NIPBL: variants seen among roughly 807,000 people sequenced by gnomAD.
NIPBL encodes NIPBL cohesin loading factor, also known as nipped-B-like protein.
NIPBL carries 19 observed loss-of-function variants against 321.8 expected under a neutral mutation model. The ratio of observed to expected loss-of-function variants is 0.06; its 90% CI spans 0.04 to 0.09. NIPBL has a LOEUF of 0.09. NIPBL is among the 10% of genes least tolerant of loss of function. The probability of loss-of-function intolerance (pLI) is 1.00; values close to 1 mark genes in which losing one functional copy is unlikely to be tolerated. For missense variants in NIPBL, 2,210 were observed against 3,327.0 expected, an observed-to-expected ratio of 0.66 and a Z score of 8.26; for synonymous variants, 1,106 against 1,114.1, an observed-to-expected ratio of 0.99 and a Z score of 0.14.
intron 1 of NIPBL, chr5:36,886,346 A>C (rs1745904536): frequency 2.8e-6 from 2 of 702,554 alleles, no homozygotes; most frequent in Admixed American, 3.9e-5. Flanking sequence ...GCCACCTGCC[A>C]CCGCCTGCTT....
chr5:37,006,452 T>C lies in NIPBL; in HGVS notation c.3951T>C (p.Ile1317=). ...SADACLTTIN[I]MTSPNMPKAV... is the part of the protein sequence containing the mutation. ...ATGCTTGTCTTACAACTATCAACAT[T>C]ATGACATCCCCTAACATGCCAAAAG... The change falls in exon 17 of 47, where the codon ATT becomes ATC. Residue 1317 remains isoleucine (I), a synonymous_variant. Transcript: ENST00000282516. 2 of 1,612,484 alleles carry C rather than the reference T, an allele frequency of 1.2e-6. No individual in the cohort carries two copies. Among genetic ancestry groups the C allele is most frequent in the Non-Finnish European group, 1.7e-6 (2 of 1,178,668 alleles).
At chr5:37,041,467 G>T (rs945910224) in intron 34 of NIPBL, among the ~76,000 whole-genome samples, 1 of 151,600 alleles carries the variant, frequency 6.6e-6, no homozygotes, top group African/African-American at 2.4e-5. Context: ...GTTTCACTAT[G>T]TTGGCCAGAC....
chr5:36,957,163 AATTTT>A (rs1295230702), intron 3 of NIPBL, among the ~76,000 whole-genome samples: 4 of 152,134 alleles, frequency 2.6e-5, no homozygotes, highest in Admixed American at 6.5e-5. Context: ...GCCTATACTT[AATTTT>A]ATCATCATCT....
In NIPBL at chr5:37,031,571, G is replaced by A. The variant is rs548253527; in HGVS notation, c.5862+4159G>A. 1.2e-4 allele frequency among the ~76,000 whole-genome samples: 18 copies of A among 152,224 alleles called. 1 individual carries two copies. The highest frequency in any genetic ancestry group is 4.3e-4 in the African/African-American group (18 of 41,540). On this transcript the variant is annotated intron_variant, in intron 32 of 46. Transcript: ENST00000282516. ...TTCATTTTAATTACTTAAGATCTAA[G>A]ACTGACCATTTTCTAGTTTGTAAGG...
rs762108016 is a variant in NIPBL at position 37,022,228 on chromosome 5, C to T, written c.5428-16C>T. ...ATTTAGGTATAAATTGTTTTTTTCT[C>T]TTCATTTTTCTTTAGCTTGATATGC... is the stretch of plus-strand genomic sequence containing the variant. On this transcript the variant is annotated splice_polypyrimidine_tract_variant and intron_variant, in intron 28 of 46. Coordinates refer to ENST00000282516, the MANE Select transcript of NIPBL (RefSeq NM_133433.4). The T allele has an allele frequency of 1.9e-6, 3 of 1,613,574 alleles. No homozygotes were observed. The highest frequency in any genetic ancestry group is 2.2e-5 in the South Asian group (2 of 91,008).
At chr5:37,030,404 A>C (rs1750857951) in intron 32 of NIPBL, among the ~76,000 whole-genome samples, 1 of 152,206 alleles carries the variant, frequency 6.6e-6, no homozygotes, top group South Asian at 2.1e-4. Context: ...ACAGAGACAT[A>C]ACTACTCTGA....
At chr5:36,899,684 C>G (rs1245951555) in intron 1 of NIPBL, among the ~76,000 whole-genome samples, 1 of 152,064 alleles carries the variant, frequency 6.6e-6, no homozygotes, top group East Asian at 1.9e-4. Flanking sequence ...TATTTTAGCC[C>G]CAAAGTGAAT....
chr5:37,048,257 C>T (rs1310683421), intron 38 of NIPBL, among the ~76,000 whole-genome samples: 1 of 152,166 alleles, frequency 6.6e-6, no homozygotes, highest in African/African-American at 2.4e-5. Flanking sequence ...GCCCTGCTCC[C>T]TCCTCAAGGT....
intron 1 of NIPBL, among the ~76,000 whole-genome samples, chr5:36,945,254 A>G (rs372356646): frequency 2.9e-4 from 44 of 152,144 alleles, no homozygotes; most frequent in Non-Finnish European, 2.8e-4. Context: ...GTTTGGTACA[A>G]TTAAACTTTG....
At chr5:37,063,647 A>C (rs1755045329) in intron 45 of NIPBL, 143 bp from the exon 46 acceptor site, 2 of 776,790 alleles carry the variant, frequency 2.6e-6, no homozygotes, top group Non-Finnish European at 4.1e-6. Context: ...GTTTACAGAA[A>C]ATGTTTACTA....
chr5:36,939,442 C>G (rs541732931), intron 1 of NIPBL, among the ~76,000 whole-genome samples: 2 of 152,202 alleles, frequency 1.3e-5, no homozygotes, highest in East Asian at 3.9e-4. Flanking sequence ...GTGTAATTTC[C>G]TTTATATCAT....
intron 1 of NIPBL, among the ~76,000 whole-genome samples, chr5:36,927,414 C>G (rs915042146): frequency 3.3e-5 from 5 of 152,072 alleles, no homozygotes; most frequent in Non-Finnish European, 7.4e-5. Flanking sequence ...GTGACATGAT[C>G]CAACCTGTAT....
intron 4 of NIPBL, 38 bp from the exon 5 acceptor site, chr5:36,961,446 G>A (rs374209537): frequency 6.8e-6 from 8 of 1,175,520 alleles, no homozygotes; most frequent in Non-Finnish European, 1.0e-5. Flanking sequence ...TTTACTGTTA[G>A]AAGAAAATAA....
At chr5:37,016,236 T>C in intron 23 of NIPBL, 66 bp downstream of exon 23, 1 of 1,476,444 alleles carries the variant, frequency 6.8e-7, no homozygotes. Context: ...TGTACTCTGA[T>C]TCACAGATGA....
At position 36,953,634 on chromosome 5, in the gene NIPBL, A is replaced by T; in HGVS notation, c.-63A>T. ...GTGTTGCAGTGTTTGGGAAATGGGA[A>T]GTAATGACAGCTGGCACCTGAACTA... On this transcript the variant is annotated 5_prime_UTR_variant, in exon 2 of 47. In the 5' UTR this introduces an upstream ATG that the reference lacks. Coordinates refer to ENST00000282516, the MANE Select transcript of NIPBL (RefSeq NM_133433.4). 7.8e-7 allele frequency: 1 copy of T among 1,281,136 alleles called. No homozygotes were observed. Among genetic ancestry groups the T allele is most frequent in the Non-Finnish European group, 1.1e-6 (1 of 875,808 alleles). 79.4% of individuals were successfully genotyped at this position (1,281,136 alleles called of 1,614,324 possible). A position where few individuals can be genotyped will look rare whatever the true frequency, so the allele number is the denominator to read the frequency against.
intron 1 of NIPBL, among the ~76,000 whole-genome samples, chr5:36,920,627 G>T (rs1182309630): frequency 3.9e-5 from 6 of 152,032 alleles, no homozygotes; most frequent in African/African-American, 1.4e-4. Context: ...GGCATATTAT[G>T]TTCTTTGCTA....
chr5:36,930,452 G>A (rs1749695764), intron 1 of NIPBL, among the ~76,000 whole-genome samples: 1 of 151,842 alleles, frequency 6.6e-6, no homozygotes, highest in African/African-American at 2.4e-5. Flanking sequence ...TTCGTTGGTG[G>A]TTTCTTAGGA....
At chr5:36,902,025 T>C (rs546583367) in intron 1 of NIPBL, among the ~76,000 whole-genome samples, 105 of 152,320 alleles carry the variant, frequency 6.9e-4, no homozygotes, top group Non-Finnish European at 1.2e-3. Flanking sequence ...GAACATTTTT[T>C]TGATATGCTT....
intron 4 of NIPBL, among the ~76,000 whole-genome samples, chr5:36,961,184 C>T (rs1000072870): frequency 2.0e-5 from 3 of 152,022 alleles, no homozygotes; most frequent in African/African-American, 4.8e-5. Flanking sequence ...GATAAGACAA[C>T]TTTTAAAAAA....
Sources: allele counts gnomAD v4.1 joint callset (sites outside exome capture counted in the v4.1 genomes callset), GRCh38; gene constraint gnomAD v4.1.1; transcripts MANE v1.5; gene names NCBI Gene and HGNC (gene_info 2026-07-23, HGNC 2026-07-21).